GHRHR: variants seen among roughly 807,000 people sequenced by gnomAD.
GHRHR encodes the protein growth hormone releasing hormone receptor, also known as growth hormone-releasing hormone receptor.
In GHRHR, 40 loss-of-function variants were observed where a neutral mutation model predicts 58.3. That is an observed-to-expected ratio of 0.69 (90% confidence interval 0.53 to 0.89). GHRHR has a LOEUF of 0.89. Ranked by LOEUF, GHRHR falls within the 40% of genes least tolerant of loss-of-function variation. The pLI is 0.00. For synonymous variants in GHRHR, 249 were observed against 216.6 expected (o/e 1.15, Z -1.31); for missense variants, 551 against 541.3 (o/e 1.02, Z -0.18).
intron 12 of GHRHR, among the ~76,000 whole-genome samples, chr7:30,978,811 A>G (rs1364245314): frequency 6.6e-6 from 1 of 152,226 alleles, no homozygotes; most frequent in Non-Finnish European, 1.5e-5. Flanking sequence ...AGTGATTAAG[A>G]GAGAACAGGG....
At position 30,974,090 on chromosome 7, in the gene GHRHR, T is replaced by A. The variant is rs759693561; in HGVS notation, c.703T>A (p.Ser235Thr). The A allele has an allele frequency of 6.2e-7, 1 of 1,613,318 alleles. No individual in the cohort carries two copies. Among genetic ancestry groups the A allele is most frequent in the Non-Finnish European group, 8.5e-7 (1 of 1,179,824 alleles). The change falls in exon 7 of 13, where the codon TCC (serine) becomes ACC (threonine). Residue 235 changes from serine to threonine, a missense_variant. By Grantham distance (58) the Ser-to-Thr change is moderately conservative. Coordinates refer to ENST00000326139, the MANE Select transcript of GHRHR (RefSeq NM_000823.4). ...VYLNCLLASTSPSSRRAFWWL... is the reference protein window; with the variant it reads ...VYLNCLLASTTPSSRRAFWWL... ...CCTGAACTGCCTCCTGGCCTCCACC[T>A]CCCCCAGCTCAAGGAGAGCCTTCTG...
At chr7:30,976,682 T>C in intron 11 of GHRHR, 124 bp downstream of exon 11, 1 of 803,200 alleles carries the variant, frequency 1.2e-6, no homozygotes, top group East Asian at 2.7e-5. Context: ...TCTATTCAAA[T>C]ATCTGTCTGT....
rs549507207 is a variant in GHRHR, at chr7:30,967,198, C to T, written c.58-1636C>T. Among the ~76,000 whole-genome samples, 59 of 152,290 alleles carry T rather than the reference C, an allele frequency of 3.9e-4. 1 individual carries two copies. In the South Asian group the frequency reaches 0.01, roughly 26 times the overall value. The stretch of plus-strand genomic sequence containing the variant: ...TGGGCGATCAGTTTTGGTTTTCCTT[C>T]GGTTTGGGGCGGTGGGAGGGAGAAG... On this transcript the variant is annotated intron_variant, in intron 1 of 12. Coordinates refer to ENST00000326139, the MANE Select transcript of GHRHR (RefSeq NM_000823.4).
Position 30,969,917 on chromosome 7 carries a change from C to T in GHRHR, c.319C>T (p.Pro107Ser), listed in dbSNP as rs1331657340. 1.3e-6 allele frequency: 2 copies of T among 1,587,078 alleles called. No individual in the cohort carries two copies. The highest frequency in any genetic ancestry group is 2.2e-5 in the East Asian group (1 of 44,734). ...CACTGGCTGGTCTGAGCCCTTTCCACCTTACCCTGTGGCCTGCCCTGTGCC... is the reference window on the plus strand; with the variant it reads ...CACTGGCTGGTCTGAGCCCTTTCCATCTTACCCTGTGGCCTGCCCTGTGCC... ...TITGWSEPFP[P>S]YPVACPVPLE... is the part of the protein sequence containing the mutation. Residue 107 changes from proline (P) to serine (S), a missense_variant, in exon 4 of 13, where the codon CCT (proline) becomes TCT (serine). Pro to Ser is a moderately conservative substitution (Grantham distance 74). Coordinates refer to ENST00000326139, the MANE Select transcript of GHRHR (RefSeq NM_000823.4).
In GHRHR at chr7:30,972,107, G is replaced by A. The variant is rs1792492774; in HGVS notation, c.597+12G>A. 9 of 1,613,706 alleles carry A rather than the reference G, an allele frequency of 5.6e-6. No individual in the cohort carries two copies. The East Asian group carries it at 1.6e-4, about 28-fold the overall frequency. On this transcript the variant is annotated intron_variant, in intron 6 of 12. Coordinates refer to ENST00000326139, the MANE Select transcript of GHRHR (RefSeq NM_000823.4). Reference sequence around the variant, plus strand: ...GCAGCTTCTCCACTGTAATGGCCATGGGTGAAGGGGCTGGGCAGGTGGGGG... The same window carrying A: ...GCAGCTTCTCCACTGTAATGGCCATAGGTGAAGGGGCTGGGCAGGTGGGGG...
chr7:30,969,095 T>C lies in GHRHR; in HGVS notation c.193T>C (p.Trp65Arg), dbSNP rs1792424699. 1 of 1,582,120 alleles carries C rather than the reference T, an allele frequency of 6.3e-7. No individual in the cohort carries two copies. Among genetic ancestry groups the C allele is most frequent in the Admixed American group, 1.8e-5 (1 of 54,600 alleles). The change falls in exon 3 of 13, where the codon TGG becomes CGG. Residue 65 changes from tryptophan to arginine, a missense_variant. Trp to Arg is a moderately radical substitution (Grantham distance 101). Coordinates refer to ENST00000326139, the MANE Select transcript of GHRHR (RefSeq NM_000823.4). The stretch of plus-strand genomic sequence containing the variant: ...TGCGACCTGGGATGGGCTGCTGTGC[T>C]GGCCAACGGCAGGCTCTGGCGAGTG... ...CPATWDGLLC[W>R]PTAGSGEWVT...
At chr7:30,975,569 C>G (rs1380865129) in intron 9 of GHRHR, among the ~76,000 whole-genome samples, 1 of 152,148 alleles carries the variant, frequency 6.6e-6, no homozygotes, top group East Asian at 1.9e-4. Context: ...CTTGGTCCTT[C>G]TCTGTCCAAT....
chr7:30,971,269 A>T, intron 5 of GHRHR, 53 bp downstream of exon 5: 1 of 811,238 alleles, frequency 1.2e-6, no homozygotes, highest in South Asian at 1.4e-5. Flanking sequence ...CTTATTTCCC[A>T]GAGGGTCAAG....
chr7:30,975,532 G>A (rs774933463), intron 9 of GHRHR, among the ~76,000 whole-genome samples: 11 of 152,178 alleles, frequency 7.2e-5, no homozygotes, highest in Non-Finnish European at 8.8e-5. Flanking sequence ...AGGTGGCAAG[G>A]CCTGATCGCC....
In GHRHR at chr7:30,979,213, C is replaced by G; in HGVS notation, c.1241C>G (p.Ser414Trp). 6.2e-7 allele frequency: 1 copy of G among 1,614,034 alleles called. No homozygotes were observed. The highest frequency in any genetic ancestry group is 2.2e-5 in the East Asian group (1 of 44,874). Residue 414 changes from serine (S) to tryptophan (W), a missense_variant, in exon 13 of 13, where the codon TCG becomes TGG. By Grantham distance (177) the Ser-to-Trp change is radical. Coordinates refer to ENST00000326139, the MANE Select transcript of GHRHR (RefSeq NM_000823.4). ...GCTAAGTGGACCACGCCTTCCCGCT[C>G]GGCGGCAAAGGTGCTGACATCTATG... ...TRAKWTTPSR[S>W]AAKVLTSMC
At chr7:30,974,300 C>T in intron 7 of GHRHR, 129 bp from the exon 8 acceptor site, 1 of 1,099,408 alleles carries the variant, frequency 9.1e-7, no homozygotes, top group South Asian at 1.3e-5. Flanking sequence ...AGGGCCCTGG[C>T]TCTGGGGTCC....
intron 6 of GHRHR, among the ~76,000 whole-genome samples, chr7:30,973,040 C>T (rs925091518): frequency 6.6e-6 from 1 of 152,132 alleles, no homozygotes; most frequent in African/African-American, 2.4e-5. Flanking sequence ...TGACCTGAAG[C>T]CTTACCAATA....
chr7:30,975,443 TG>T (rs1375599767), intron 9 of GHRHR, among the ~76,000 whole-genome samples: 1 of 152,172 alleles, frequency 6.6e-6, no homozygotes, highest in African/African-American at 2.4e-5. Context: ...AATGTACAAA[TG>T]TTTTGCAACT....
intron 6 of GHRHR, among the ~76,000 whole-genome samples, chr7:30,972,692 C>T (rs1431961870): frequency 6.6e-6 from 1 of 152,042 alleles, no homozygotes; most frequent in Non-Finnish European, 1.5e-5. Flanking sequence ...TGGGAAGGCA[C>T]CATGGGAGAG....
At chr7:30,976,251 A>G (rs1200605048) in intron 10 of GHRHR, among the ~76,000 whole-genome samples, 178 bp from the exon 11 acceptor site, 1 of 152,208 alleles carries the variant, frequency 6.6e-6, no homozygotes, top group Non-Finnish European at 1.5e-5. Flanking sequence ...TAGGGGAATC[A>G]GCAGGATCCA....
chr7:30,973,836 C>A, intron 6 of GHRHR, 149 bp from the exon 7 acceptor site: 1 of 726,998 alleles, frequency 1.4e-6, no homozygotes, highest in South Asian at 1.5e-5. Context: ...TGTATATCAC[C>A]ACATCCCCTC....
intron 9 of GHRHR, among the ~76,000 whole-genome samples, chr7:30,975,427 T>A (rs1292507695): frequency 6.6e-6 from 1 of 152,180 alleles, no homozygotes; most frequent in African/African-American, 2.4e-5. Context: ...TTGCATGGCT[T>A]TGGTAAATGT....
chr7:30,979,373 C>A lies in GHRHR; in HGVS notation c.*129C>A. 1.2e-6 allele frequency: 1 copy of A among 855,402 alleles called. No homozygotes were observed. Among genetic ancestry groups the A allele is most frequent in the South Asian group, 1.4e-5 (1 of 70,470 alleles). 53.0% of individuals were successfully genotyped at this position (855,402 alleles called of 1,614,324 possible). On this transcript the variant is annotated 3_prime_UTR_variant, in exon 13 of 13. Transcript: ENST00000326139. ...TACCCAGCCCGGGGCAGGTGCAGCC[C>A]TTCCTCCCTGTCTCTGCATCTGACT...
At chr7:30,972,255 C>T in intron 6 of GHRHR, 160 bp downstream of exon 6, 2 of 702,486 alleles carry the variant, frequency 2.8e-6, no homozygotes, top group African/African-American at 1.8e-5. Context: ...CCCATGTCAC[C>T]CCCTAAGTCC....
Sources: allele counts gnomAD v4.1 joint callset (sites outside exome capture counted in the v4.1 genomes callset), GRCh38; gene constraint gnomAD v4.1.1; transcripts MANE v1.5; gene names NCBI Gene and HGNC (gene_info 2026-07-23, HGNC 2026-07-21).